LRRC72: variants seen among roughly 807,000 people sequenced by gnomAD.
The protein encoded by LRRC72 is leucine-rich repeat-containing protein 72.
In LRRC72, 41 loss-of-function variants were observed where a neutral mutation model predicts 35.8. That is an observed-to-expected ratio of 1.15 (90% CI 0.89 to 1.49). LRRC72 has a LOEUF of 1.49. LRRC72 is among the 40% of genes most tolerant of loss of function. The pLI, the probability that LRRC72 is intolerant of heterozygous loss-of-function variation, is 0.00. For synonymous variants in LRRC72, 118 were observed against 119.2 expected (o/e 0.99, Z 0.07); for missense variants, 389 against 330.7 (o/e 1.18, Z -1.37).
chr7:16,528,207 C>G lies in LRRC72; in HGVS notation c.90+1165C>G, dbSNP rs550241314. On this transcript the variant is annotated intron_variant, in intron 1 of 8. Transcript: ENST00000401542. ...TCTTCTACCTCACTTGACAATCATC[C>G]TCCTCTGTCTCCTTTCCATCATGTT... 3.3e-5 allele frequency among the ~76,000 whole-genome samples: 5 copies of G among 152,126 alleles called. No homozygotes were observed. The South Asian group carries it at 1.0e-3, about 32-fold the overall frequency.
At chr7:16,569,620 C>T (rs1782907609) in intron 7 of LRRC72, among the ~76,000 whole-genome samples, 1 of 152,086 alleles carries the variant, frequency 6.6e-6, no homozygotes, top group African/African-American at 2.4e-5. Flanking sequence ...AAAAATATCT[C>T]TTAAGATAAT....
At chr7:16,538,950 G>C (rs2079440) in intron 3 of LRRC72, among the ~76,000 whole-genome samples, 12,770 of 152,282 alleles carry the variant, frequency 0.084, 639 homozygotes, top group East Asian at 0.15. Flanking sequence ...GTCTTGGGGA[G>C]TTCTTTATAG....
rs757873164 is a variant in LRRC72, at chr7:16,580,131, CAG to C, written c.698+32_698+33del. The C allele has an allele frequency of 8.9e-6, 3 of 338,418 alleles. No individual in the cohort carries two copies. The Admixed American group carries it at 1.4e-4, about 16-fold the overall frequency. The allele number at this position is 338,418 out of a possible 1,614,324, so 21.0% of individuals were successfully genotyped here. A position where few individuals can be genotyped will look rare whatever the true frequency, so the allele number is the denominator to read the frequency against. ...GTAATTTTATCTATACATTTATTAT[CAG>C]ATTATTTCATAATTGTGTTGTCCCT... On this transcript the variant is annotated intron_variant, in intron 8 of 8. Transcript: ENST00000401542.
In LRRC72 at chr7:16,566,164, A is replaced by G. The variant is rs190400130; in HGVS notation, c.428-149A>G. 1,240 of 467,618 alleles carry G rather than the reference A, an allele frequency of 2.7e-3. 12 individuals carry two copies. Among genetic ancestry groups the G allele is most frequent in the Middle Eastern group, 8.6e-3 (16 of 1,864 alleles). 29.0% of individuals were successfully genotyped at this position (467,618 alleles called of 1,614,324 possible). On this transcript the variant is annotated intron_variant, in intron 5 of 8. Coordinates refer to ENST00000401542, the MANE Select transcript of LRRC72 (RefSeq NM_001195280.2). ...GAAAAATTAACTGGTGCTCTAAGTA[A>G]AGGTTTAATGGGTCTATTGCTTGAT...
intron 7 of LRRC72, among the ~76,000 whole-genome samples, chr7:16,569,418 A>G (rs1039348065): frequency 3.9e-5 from 6 of 152,104 alleles, no homozygotes; most frequent in Non-Finnish European, 7.4e-5. Context: ...TCCATCTTAA[A>G]AAACAAAAAA....
intron 7 of LRRC72, among the ~76,000 whole-genome samples, chr7:16,574,045 A>G (rs1782995610): frequency 6.6e-6 from 1 of 152,252 alleles, no homozygotes; most frequent in Non-Finnish European, 1.5e-5. Flanking sequence ...AAACATACGA[A>G]AAAAAGCTCA....
chr7:16,538,773 T>A (rs1046538435), intron 3 of LRRC72, among the ~76,000 whole-genome samples: 2 of 152,210 alleles, frequency 1.3e-5, no homozygotes, highest in African/African-American at 4.8e-5. Context: ...CAATATCTGA[T>A]GGTTTTTAAA....
At chr7:16,557,120 G>C (rs1363644824) in intron 3 of LRRC72, among the ~76,000 whole-genome samples, 5 of 152,202 alleles carry the variant, frequency 3.3e-5, no homozygotes, top group African/African-American at 1.2e-4. Context: ...GTTTGGTTGA[G>C]ATGTGGTAAG....
chr7:16,532,519 TG>T lies in LRRC72; in HGVS notation c.116del (p.Cys39LeufsTer19). The T allele has an allele frequency of 6.5e-7, 1 of 1,550,178 alleles. No individual in the cohort carries two copies. Among genetic ancestry groups the T allele is most frequent in the Non-Finnish European group, 8.7e-7 (1 of 1,146,520 alleles). On this transcript the variant is annotated frameshift_variant, in exon 2 of 9. Transcript: ENST00000401542. LOFTEE classifies it high-confidence loss of function. The stretch of plus-strand genomic sequence containing the variant: ...GGCAGTTGAAGATCAGCTAAAGATA[TG>T]TGGCCACAGGAGGGATGCTGATGTC... ...RRAVEDQLKI[C>X]GHRRDADVFE...
chr7:16,566,983 C>T (rs1483946355), intron 6 of LRRC72, among the ~76,000 whole-genome samples: 2 of 152,026 alleles, frequency 1.3e-5, no homozygotes, highest in Non-Finnish European at 2.9e-5. Context: ...ATCTACTTAC[C>T]TTTCTGTCTC....
chr7:16,568,981 A>C (rs920822154), intron 7 of LRRC72, among the ~76,000 whole-genome samples: 1 of 152,246 alleles, frequency 6.6e-6, no homozygotes, highest in East Asian at 1.9e-4. Context: ...GGACAAAATT[A>C]AGACTTCCCT....
chr7:16,536,049 T>G (rs918073002), intron 2 of LRRC72, among the ~76,000 whole-genome samples: 1 of 152,056 alleles, frequency 6.6e-6, no homozygotes, highest in Non-Finnish European at 1.5e-5. Flanking sequence ...ATTTTTGTAT[T>G]TTTAGTAGAG....
Position 16,577,451 on chromosome 7 carries a change from T to C in LRRC72, c.671-2623T>C, listed in dbSNP as rs138044028. Among the ~76,000 whole-genome samples the C allele has an allele frequency of 2.6e-4, 39 of 152,260 alleles. No homozygotes were observed. In the East Asian group the frequency reaches 7.0e-3, roughly 27 times the overall value. ...GAAGTTCTGGAAGAAAATACTTTCATAATCCCAAAGTGAAGGCCAATCAAA... is the reference window on the plus strand; with the variant it reads ...GAAGTTCTGGAAGAAAATACTTTCACAATCCCAAAGTGAAGGCCAATCAAA... On this transcript the variant is annotated intron_variant, in intron 7 of 8. Coordinates refer to ENST00000401542, the MANE Select transcript of LRRC72 (RefSeq NM_001195280.2).
intron 2 of LRRC72, among the ~76,000 whole-genome samples, chr7:16,533,196 A>T (rs545097639): frequency 6.6e-6 from 1 of 152,242 alleles, no homozygotes; most frequent in Non-Finnish European, 1.5e-5. Flanking sequence ...AATGAACTCC[A>T]TTATACTACA....
At chr7:16,570,130 C>G (rs1782918404) in intron 7 of LRRC72, among the ~76,000 whole-genome samples, 1 of 151,962 alleles carries the variant, frequency 6.6e-6, no homozygotes, top group South Asian at 2.1e-4. Context: ...GGTGGAGATT[C>G]TGTTACTAGG....
At chr7:16,543,134 T>G (rs536778044) in intron 3 of LRRC72, among the ~76,000 whole-genome samples, 1 of 152,334 alleles carries the variant, frequency 6.6e-6, no homozygotes, top group African/African-American at 2.4e-5. Context: ...TATTATAATA[T>G]TTCATCAAAG....
At chr7:16,569,340 C>A (rs1221942680) in intron 7 of LRRC72, among the ~76,000 whole-genome samples, 1 of 152,026 alleles carries the variant, frequency 6.6e-6, no homozygotes, top group Non-Finnish European at 1.5e-5. Flanking sequence ...GCAGGAGAAT[C>A]ACTTGAACCT....
chr7:16,537,524 A>T, intron 2 of LRRC72, 103 bp from the exon 3 acceptor site: 1 of 553,418 alleles, frequency 1.8e-6, no homozygotes, highest in Non-Finnish European at 3.1e-6. Context: ...AAGGACAAAG[A>T]GAGGCCTTTC....
intron 7 of LRRC72, among the ~76,000 whole-genome samples, chr7:16,572,032 A>T (rs1338964223): frequency 6.6e-6 from 1 of 152,146 alleles, no homozygotes; most frequent in Non-Finnish European, 1.5e-5. Flanking sequence ...GCCAAAACAG[A>T]AGCTTGAGTA....
Sources: allele counts gnomAD v4.1 joint callset (sites outside exome capture counted in the v4.1 genomes callset), GRCh38; gene constraint gnomAD v4.1.1; transcripts MANE v1.5; gene names NCBI Gene and HGNC (gene_info 2026-07-23, HGNC 2026-07-21).